Variants in CLDN16 observed in about 807,000 individuals in gnomAD.
The protein encoded by CLDN16 is claudin 16, also known as claudin-16.
CLDN16 carries 13 observed loss-of-function variants against 24.6 expected under a neutral mutation model. The observed-to-expected ratio is 0.53, with a 90% CI of 0.34 to 0.84. The LOEUF is 0.84. CLDN16 is among the 40% of genes least tolerant of loss of function. The pLI is 0.01. For missense variants in CLDN16, 298 were observed against 292.7 expected (o/e 1.02, Z -0.13); for synonymous variants, 116 against 106.7 (o/e 1.09, Z -0.54).
At chr3:190,396,983 A>G (rs748958121) in intron 1 of CLDN16, among the ~76,000 whole-genome samples, 4 of 152,156 alleles carry the variant, frequency 2.6e-5, no homozygotes, top group Non-Finnish European at 4.4e-5. Flanking sequence ...TCTGTGGGGA[A>G]CCTGGTGAGC....
chr3:190,375,046 C>A (rs1475710543), intron 3 of CLDN16, among the ~76,000 whole-genome samples: 1 of 151,838 alleles, frequency 6.6e-6, no homozygotes, highest in African/African-American at 2.4e-5. Flanking sequence ...TTTAAAGGTA[C>A]CTTGTGTGTT....
At chr3:190,386,844 A>G (rs1363511078), upstream of CLDN16, among the ~76,000 whole-genome samples, 3 of 152,250 alleles carry the variant, frequency 2.0e-5, no homozygotes, top group African/African-American at 7.2e-5. Flanking sequence ...TAGAAAAAAC[A>G]AAGTTTAGCC....
chr3:190,401,014 C>T (rs1172597572), intron 1 of CLDN16, among the ~76,000 whole-genome samples: 1 of 152,074 alleles, frequency 6.6e-6, no homozygotes. Context: ...CTCTTAACGT[C>T]CCTTAAGAAA....
intron 1 of CLDN16, among the ~76,000 whole-genome samples, chr3:190,364,065 A>ATT (rs5855328): frequency 1.1e-4 from 16 of 151,530 alleles, no homozygotes; most frequent in African/African-American, 2.2e-4. Context: ...GGTCCTTTTT[A>ATT]TTTTTTTTGG....
intron 1 of CLDN16, among the ~76,000 whole-genome samples, chr3:190,392,216 T>C (rs1718697404): frequency 6.6e-6 from 1 of 151,928 alleles, no homozygotes; most frequent in Non-Finnish European, 1.5e-5. Flanking sequence ...CTTCATACAC[T>C]CTCCCTTCCT....
chr3:190,375,104 C>A (rs961802745), intron 3 of CLDN16, among the ~76,000 whole-genome samples: 1 of 151,994 alleles, frequency 6.6e-6, no homozygotes, highest in South Asian at 2.1e-4. Flanking sequence ...CACTTCATCC[C>A]TCATTTTTAT....
At chr3:190,346,258 T>G (rs967685629) in intron 1 of CLDN16, among the ~76,000 whole-genome samples, 3 of 151,888 alleles carry the variant, frequency 2.0e-5, no homozygotes, top group Admixed American at 2.0e-4. Context: ...TTCTGTTTGC[T>G]TAGGGAAGGA....
At chr3:190,309,033 G>A in the CLDN16 span, among the ~76,000 whole-genome samples, 3,233 of 152,152 alleles carry the variant, frequency 0.021, 127 homozygotes, top group African/African-American at 0.073. Flanking sequence ...TGGACAATAC[G>A]GAAGAGTAGA....
chr3:190,403,398 A>G (rs918954727), intron 2 of CLDN16, among the ~76,000 whole-genome samples: 2 of 152,210 alleles, frequency 1.3e-5, no homozygotes, highest in Non-Finnish European at 2.9e-5. Flanking sequence ...CTATGAATAA[A>G]GAAATGTCTT....
the CLDN16 span, among the ~76,000 whole-genome samples, chr3:190,315,923 G>C: frequency 6.6e-6 from 1 of 152,088 alleles, no homozygotes; most frequent in African/African-American, 2.4e-5. Context: ...AACTACTCCA[G>C]GGCCCTTACT....
chr3:190,356,549 G>A (rs1369173961), intron 1 of CLDN16, among the ~76,000 whole-genome samples: 1 of 151,728 alleles, frequency 6.6e-6, no homozygotes, highest in African/African-American at 2.4e-5. Flanking sequence ...TAATTAGATG[G>A]CCCTTCCTCA....
Position 190,322,869 on chromosome 3 carries a change from G to T in CLDN16, n.121+208G>T, listed in dbSNP as rs118152186. Among the ~76,000 whole-genome samples, 73 of 151,918 alleles carry T rather than the reference G, an allele frequency of 4.8e-4. 1 individual carries two copies. In the East Asian group the frequency reaches 0.013, roughly 27 times the overall value. ...CCATCACACCATTTCTCTCTCCTTT[G>T]CTTGGCTTCCTCCCCCTTCTTTCCT... On this transcript the variant is annotated intron_variant and non_coding_transcript_variant, in intron 1 of 4. Transcript: ENST00000468220.
In CLDN16 at chr3:190,410,197, C is replaced by A; in HGVS notation, c.*161C>A. 2 of 803,372 alleles carry A rather than the reference C, an allele frequency of 2.5e-6. No homozygotes were observed. Among genetic ancestry groups the A allele is most frequent in the Non-Finnish European group, 4.1e-6 (2 of 489,820 alleles). 49.8% of individuals were successfully genotyped at this position (803,372 alleles called of 1,614,324 possible). A position where few individuals can be genotyped will look rare whatever the true frequency, so the allele number is the denominator to read the frequency against. On this transcript the variant is annotated 3_prime_UTR_variant, in exon 5 of 5. Coordinates refer to ENST00000264734, the MANE Select transcript of CLDN16 (RefSeq NM_006580.4). ...TTTGATTCTCCTATACTTTTTCTTT[C>A]TATTACTCTTATATTTTCCCGTCAT...
At chr3:190,308,165 T>C in the CLDN16 span, 69 of 1,255,380 alleles carry the variant, frequency 5.5e-5, no homozygotes, top group Non-Finnish European at 7.9e-5. Context: ...TGTTTTGTAA[T>C]ACCATACTTC....
At chr3:190,328,401 T>A (rs536135251) in intron 1 of CLDN16, among the ~76,000 whole-genome samples, 1 of 152,226 alleles carries the variant, frequency 6.6e-6, no homozygotes, top group East Asian at 1.9e-4. Flanking sequence ...AATCTTTCTA[T>A]GCCTCATTTT....
intron 1 of CLDN16, among the ~76,000 whole-genome samples, chr3:190,346,750 A>G (rs565323660): frequency 2.6e-5 from 4 of 152,270 alleles, no homozygotes; most frequent in African/African-American, 9.6e-5. Flanking sequence ...GGTTACTCAC[A>G]ATCCCTGGTG....
At chr3:190,378,850 G>T (rs535705222) in intron 3 of CLDN16, among the ~76,000 whole-genome samples, 1 of 152,028 alleles carries the variant, frequency 6.6e-6, no homozygotes, top group Non-Finnish European at 1.5e-5. Context: ...GCTGTGTCAG[G>T]TTGAATAAGT....
chr3:190,298,014 T>C, the CLDN16 span, among the ~76,000 whole-genome samples: 1 of 152,060 alleles, frequency 6.6e-6, no homozygotes, highest in Non-Finnish European at 1.5e-5. Context: ...CTGCTGAATA[T>C]GACCATGGAC....
the CLDN16 span, among the ~76,000 whole-genome samples, chr3:190,296,175 A>AT: frequency 6.6e-6 from 1 of 152,262 alleles, no homozygotes; most frequent in Non-Finnish European, 1.5e-5. Context: ...TACAATGACG[A>AT]GCATAATATA....
Sources: allele counts gnomAD v4.1 joint callset (sites outside exome capture counted in the v4.1 genomes callset), GRCh38; gene constraint gnomAD v4.1.1; transcripts MANE v1.5; gene names NCBI Gene and HGNC (gene_info 2026-07-23, HGNC 2026-07-21).